The following CACNA1E variants were observed in gnomAD, a reference collection of about 807,000 sequenced individuals.
CACNA1E encodes the protein calcium voltage-gated channel subunit alpha1 E, also known as voltage-dependent R-type calcium channel subunit alpha-1E.
In CACNA1E, 40 loss-of-function variants were observed where a neutral mutation model predicts 259.2. The ratio of observed to expected loss-of-function variants is 0.15; its 90% confidence interval spans 0.12 to 0.20. CACNA1E has a LOEUF of 0.20. Among genes scored for constraint, CACNA1E ranks in the 10% least tolerant of loss-of-function variants. The pLI is 1.00. For synonymous variants in CACNA1E, 1,104 were observed against 1,138.5 expected (o/e 0.97, Z 0.61); for missense variants, 1,874 against 3,040.1 (o/e 0.62, Z 9.02).
chr1:181,407,051 G>A (rs974689693), intron 1 of CACNA1E, among the ~76,000 whole-genome samples: 3 of 152,122 alleles, frequency 2.0e-5, no homozygotes, highest in Non-Finnish European at 2.9e-5. Context: ...CAACTCCTCC[G>A]CAGAGACTCA....
intron 7 of CACNA1E, among the ~76,000 whole-genome samples, chr1:181,690,078 A>C (rs1020711900): frequency 1.3e-5 from 2 of 152,072 alleles, no homozygotes; most frequent in Non-Finnish European, 2.9e-5. Context: ...GGTATTGCCC[A>C]GGTTTTCTTA....
chr1:181,467,829 G>A (rs1662246550), intron 2 of CACNA1E, among the ~76,000 whole-genome samples: 1 of 152,212 alleles, frequency 6.6e-6, no homozygotes, highest in African/African-American at 2.4e-5. Flanking sequence ...CAACTGGGAG[G>A]TGATTTGGGC....
chr1:181,528,286 A>T (rs1296814339), intron 3 of CACNA1E, among the ~76,000 whole-genome samples: 1 of 152,094 alleles, frequency 6.6e-6, no homozygotes, highest in Non-Finnish European at 1.5e-5. Context: ...TCCTGCTGCC[A>T]TGTAAGAAGT....
intron 6 of CACNA1E, among the ~76,000 whole-genome samples, chr1:181,599,667 C>T (rs956422381): frequency 2.8e-4 from 42 of 152,156 alleles, no homozygotes; most frequent in African/African-American, 9.9e-4. Flanking sequence ...CCTTGCATAT[C>T]GTGTGGCATG....
At chr1:181,634,104 G>A (rs12064017) in intron 6 of CACNA1E, among the ~76,000 whole-genome samples, 26,623 of 152,118 alleles carry the variant, frequency 0.18, 2,417 homozygotes, top group South Asian at 0.27. Context: ...GTCAGTGAGC[G>A]TGGTCTTTGA....
At chr1:181,368,061 TC>T (rs1296963576) in intron 1 of CACNA1E, among the ~76,000 whole-genome samples, 2 of 152,052 alleles carry the variant, frequency 1.3e-5, no homozygotes, top group Non-Finnish European at 2.9e-5. Flanking sequence ...TGAAACCCTA[TC>T]TCTACTAAAA....
intron 7 of CACNA1E, among the ~76,000 whole-genome samples, chr1:181,686,493 G>A (rs1209291532): frequency 1.3e-5 from 2 of 151,830 alleles, no homozygotes; most frequent in Non-Finnish European, 2.9e-5. Context: ...TCCATGTTTG[G>A]TCAGGCTGGT....
At chr1:181,607,519 T>C (rs759224541) in intron 6 of CACNA1E, among the ~76,000 whole-genome samples, 4 of 152,206 alleles carry the variant, frequency 2.6e-5, no homozygotes, top group Non-Finnish European at 5.9e-5. Flanking sequence ...TAGCCTGAAC[T>C]GCTTGAGTTA....
chr1:181,572,554 G>A (rs554303497), intron 3 of CACNA1E, among the ~76,000 whole-genome samples: 8 of 152,284 alleles, frequency 5.3e-5, no homozygotes, highest in African/African-American at 1.4e-4. Flanking sequence ...GGCAAAGTGG[G>A]CATTAAGCAC....
intron 2 of CACNA1E, among the ~76,000 whole-genome samples, chr1:181,472,571 A>T (rs1326567295): frequency 1.3e-5 from 2 of 151,420 alleles, no homozygotes; most frequent in African/African-American, 4.8e-5. Flanking sequence ...CTGTACCTGT[A>T]AATATAATAG....
Position 181,796,793 on chromosome 1 carries a change from G to C in CACNA1E, c.6334G>C (p.Glu2112Gln). The C allele has an allele frequency of 6.2e-7, 1 of 1,611,572 alleles. No homozygotes were observed. Among genetic ancestry groups the C allele is most frequent in the Non-Finnish European group, 8.5e-7 (1 of 1,178,932 alleles). The stretch of plus-strand genomic sequence containing the variant: ...AGAGCGAGGGACCCAGGCTGACTGG[G>C]AGTCCCCAGAGCGCCGTCAATCCAG... ...SEERGTQADW[E>Q]SPERRQSRSP... Residue 2112 changes from glutamate (E) to glutamine (Q), a missense_variant, in exon 47 of 48, where the codon GAG becomes CAG. Physicochemically the swap from Glu to Gln is conservative, Grantham distance 29. Around this residue, in one of 14 missense-constraint regions of CACNA1E, gnomAD observed 542 missense variants for 587.2 expected, o/e 0.92. Transcript: ENST00000367573.
intron 7 of CACNA1E, among the ~76,000 whole-genome samples, chr1:181,706,331 A>C (rs1054189183): frequency 6.6e-6 from 1 of 152,156 alleles, no homozygotes; most frequent in African/African-American, 2.4e-5. Flanking sequence ...CAGGGTACTC[A>C]GATCCTCAGA....
chr1:181,655,964 T>G lies in CACNA1E; in HGVS notation c.1055+4523T>G, dbSNP rs1659173340. On this transcript the variant is annotated intron_variant, in intron 7 of 47. Transcript: ENST00000367573. ...GTGGAGCTGAAAAATTCCTGTGGCT[T>G]AGTGATGTCATAGTCATCTTAACAT... 3.3e-5 allele frequency among the ~76,000 whole-genome samples: 5 copies of G among 152,300 alleles called. 1 individual carries two copies. In the South Asian group the frequency reaches 1.0e-3, roughly 32 times the overall value.
chr1:181,790,627 C>T, intron 44 of CACNA1E, 71 bp downstream of exon 44: 1 of 983,746 alleles, frequency 1.0e-6, no homozygotes, highest in South Asian at 1.3e-5. Context: ...AATTTTATTA[C>T]ATAGTCATGG....
rs765829295 is a variant in CACNA1E, at chr1:181,756,112, A to C, written c.4127+19A>C. 1.9e-6 allele frequency: 3 copies of C among 1,600,172 alleles called. No homozygotes were observed. The highest frequency in any genetic ancestry group is 2.2e-5 in the South Asian group (2 of 89,740). On this transcript the variant is annotated intron_variant, in intron 29 of 47. Coordinates refer to ENST00000367573, the MANE Select transcript of CACNA1E (RefSeq NM_001205293.3). ...GGCCTCAGTGAGTGATTGAGTTGTCATGCTTGTCTGTGGCTGTGATAGGAC... is the reference window on the plus strand; with the variant it reads ...GGCCTCAGTGAGTGATTGAGTTGTCCTGCTTGTCTGTGGCTGTGATAGGAC...
chr1:181,641,715 T>TTTTTG (rs1657784121), intron 6 of CACNA1E, among the ~76,000 whole-genome samples: 1 of 114,060 alleles, frequency 8.8e-6, no homozygotes, highest in African/African-American at 3.2e-5. Context: ...TTTTTTTTTT[T>TTTTTG]TTTTTTTTTT....
rs1654546703 is a variant in CACNA1E at position 181,722,956 on chromosome 1, T to A, written c.2074+1081T>A. On this transcript the variant is annotated intron_variant, in intron 16 of 47. Transcript: ENST00000367573. ...CAATGGCACCATCATTTTCCTGATATTCTGGGGGTAGTCAGAGCTGGGCTT... is the reference window on the plus strand; with the variant it reads ...CAATGGCACCATCATTTTCCTGATAATCTGGGGGTAGTCAGAGCTGGGCTT... 3.3e-5 allele frequency among the ~76,000 whole-genome samples: 5 copies of A among 152,190 alleles called. No homozygotes were observed. In the South Asian group the frequency reaches 1.0e-3, roughly 32 times the overall value.
In CACNA1E at chr1:181,790,487, C is replaced by T; in HGVS notation, c.5829C>T (p.Pro1943=). The T allele has an allele frequency of 6.2e-7, 1 of 1,613,616 alleles. No homozygotes were observed. Among genetic ancestry groups the T allele is most frequent in the Non-Finnish European group, 8.5e-7 (1 of 1,179,596 alleles). The change falls in exon 44 of 48, where the codon CCC becomes CCT. Residue 1943 remains proline, a synonymous_variant. Transcript: ENST00000367573. ...ACCCTTCGATGAGTCCACTCTCTCCCCAGGATATATTCCAGTTGGCTTGTA... is the reference window on the plus strand; with the variant it reads ...ACCCTTCGATGAGTCCACTCTCTCCTCAGGATATATTCCAGTTGGCTTGTA... ...SGYPSMSPLS[P]QDIFQLACMD... is the part of the protein sequence containing the mutation.
intron 25 of CACNA1E, among the ~76,000 whole-genome samples, chr1:181,742,722 G>A (rs1326351636): frequency 1.3e-5 from 2 of 152,174 alleles, no homozygotes; most frequent in Non-Finnish European, 2.9e-5. Context: ...CAAAGCTGTG[G>A]TGTCCCCTGA....
Sources: allele counts gnomAD v4.1 joint callset (sites outside exome capture counted in the v4.1 genomes callset), GRCh38; gene constraint gnomAD v4.1.1; regional missense constraint gnomAD v4.1.1; transcripts MANE v1.5; gene names NCBI Gene and HGNC (gene_info 2026-07-23, HGNC 2026-07-21).